The following PRKCI variants were observed in gnomAD, a reference collection of about 807,000 sequenced individuals.
PRKCI encodes protein kinase C iota.
A neutral mutation model predicts 84.0 loss-of-function variants in PRKCI; 43 were observed. That is an observed-to-expected ratio of 0.51 (90% confidence interval 0.40 to 0.66). PRKCI has a LOEUF of 0.66. Ranked by LOEUF, PRKCI falls within the 30% of genes least tolerant of loss-of-function variation. PRKCI has a pLI of 0.00. For synonymous variants in PRKCI, 216 were observed against 234.4 expected (o/e 0.92, Z 0.72); for missense variants, 459 against 745.6 (o/e 0.62, Z 4.48).
chr3:170,254,091 G>A (rs1445383828), intron 2 of PRKCI, among the ~76,000 whole-genome samples: 2 of 133,182 alleles, frequency 1.5e-5, no homozygotes, highest in Non-Finnish European at 3.2e-5. Flanking sequence ...AGCAAGATCC[G>A]TTTCCAAAAA....
In PRKCI at chr3:170,222,631, C is replaced by T. The variant is rs556416019; in HGVS notation, c.-39C>T. On this transcript the variant is annotated 5_prime_UTR_variant, in exon 1 of 18. Transcript: ENST00000295797. ...CCACGGCGCCCGAAGCGCCCCCCCGCACCCCCGGCCTCCAGCGTTGAGGCG... is the reference window on the plus strand; with the variant it reads ...CCACGGCGCCCGAAGCGCCCCCCCGTACCCCCGGCCTCCAGCGTTGAGGCG... 73 of 1,505,068 alleles carry T rather than the reference C, an allele frequency of 4.9e-5. No individual in the cohort carries two copies. In the South Asian group the frequency reaches 8.2e-4, roughly 17 times the overall value. 93.2% of individuals were successfully genotyped at this position (1,505,068 alleles called of 1,614,324 possible).
In PRKCI at chr3:170,305,478, GTTTC is replaced by G. The variant is rs1195335981; in HGVS notation, c.*2356_*2359del. The G allele has an allele frequency of 2.0e-5, 3 of 152,468 alleles. No homozygotes were observed. The highest frequency in any genetic ancestry group is 7.2e-5 in the African/African-American group (3 of 41,434). 9.4% of individuals were successfully genotyped at this position (152,468 alleles called of 1,614,324 possible). A position where few individuals can be genotyped will look rare whatever the true frequency, so the allele number is the denominator to read the frequency against. ...CAGCCCCCCAAAAAACCTCTCAGTA[GTTTC>G]TTTCAGTGTACAAAATGATGAGCAT... On this transcript the variant is annotated 3_prime_UTR_variant, in exon 18 of 18. Coordinates refer to ENST00000295797, the MANE Select transcript of PRKCI (RefSeq NM_002740.6).
chr3:170,238,836 C>A (rs1240926169), intron 2 of PRKCI, among the ~76,000 whole-genome samples: 1 of 152,156 alleles, frequency 6.6e-6, no homozygotes, highest in Non-Finnish European at 1.5e-5. Context: ...AGTGATCCAC[C>A]CGCCTTGGCC....
At chr3:170,273,367 T>A (rs1377942360) in intron 7 of PRKCI, 27 bp downstream of exon 7, 1 of 1,605,164 alleles carries the variant, frequency 6.2e-7, no homozygotes, top group Non-Finnish European at 8.5e-7. Context: ...CACAACCCAT[T>A]GTTCATTCAC....
intron 12 of PRKCI, among the ~76,000 whole-genome samples, chr3:170,286,474 A>C (rs1213274545): frequency 6.7e-6 from 1 of 149,696 alleles, no homozygotes; most frequent in East Asian, 2.0e-4. Flanking sequence ...GCACAAATTA[A>C]AACAATGAGG....
At chr3:170,245,514 G>A (rs892710227) in intron 2 of PRKCI, among the ~76,000 whole-genome samples, 7 of 152,020 alleles carry the variant, frequency 4.6e-5, no homozygotes, top group Non-Finnish European at 8.8e-5. Flanking sequence ...GCGGTATTGG[G>A]GACCTTAGAT....
At chr3:170,229,088 A>C (rs1732715920) in intron 1 of PRKCI, among the ~76,000 whole-genome samples, 1 of 152,064 alleles carries the variant, frequency 6.6e-6, no homozygotes, top group African/African-American at 2.4e-5. Context: ...CCCACTTTCT[A>C]GAGATAGCCA....
intron 7 of PRKCI, among the ~76,000 whole-genome samples, chr3:170,274,265 G>T (rs1485368525): frequency 6.6e-6 from 1 of 152,064 alleles, no homozygotes; most frequent in African/African-American, 2.4e-5. Context: ...CTGAGCATCT[G>T]GGATTACAGG....
intron 2 of PRKCI, among the ~76,000 whole-genome samples, chr3:170,237,238 A>G (rs1733002539): frequency 6.6e-6 from 1 of 152,248 alleles, no homozygotes; most frequent in African/African-American, 2.4e-5. Context: ...ATTGGCCTAC[A>G]GTTTAACAGG....
chr3:170,261,473 A>C (rs1402494989), intron 3 of PRKCI, among the ~76,000 whole-genome samples: 2 of 150,812 alleles, frequency 1.3e-5, no homozygotes, highest in Non-Finnish European at 3.0e-5. Flanking sequence ...AAAAAAAAAA[A>C]AACAGTGGTT....
chr3:170,255,264 TAGTC>T (rs1455591014), intron 2 of PRKCI, among the ~76,000 whole-genome samples: 1 of 152,028 alleles, frequency 6.6e-6, no homozygotes, highest in Non-Finnish European at 1.5e-5. Flanking sequence ...TTCTCCATGT[TAGTC>T]AGGCTGGTCT....
At chr3:170,240,950 A>T (rs1437999679) in intron 2 of PRKCI, among the ~76,000 whole-genome samples, 1 of 152,032 alleles carries the variant, frequency 6.6e-6, no homozygotes, top group Non-Finnish European at 1.5e-5. Flanking sequence ...ATCATGCCAC[A>T]CTCCTCTTTC....
At chr3:170,262,604 C>T (rs1339998987) in intron 3 of PRKCI, among the ~76,000 whole-genome samples, 4 of 152,040 alleles carry the variant, frequency 2.6e-5, no homozygotes, top group African/African-American at 9.7e-5. Flanking sequence ...CCTCAGCCTC[C>T]TAGGGAGCTG....
Position 170,284,530 on chromosome 3 carries a change from G to A in PRKCI, c.1137G>A (p.Leu379=). The change falls in exon 12 of 18, where the codon TTG becomes TTA. Residue 379 remains leucine, a synonymous_variant. Coordinates refer to ENST00000295797, the MANE Select transcript of PRKCI (RefSeq NM_002740.6). The stretch of plus-strand genomic sequence containing the variant: ...AGCGAGGGATAATTTATAGAGATTT[G>A]AAACTGGACAATGTATTACTGGACT... ...LHERGIIYRD[L]KLDNVLLDSE... is the part of the protein sequence containing the mutation. 1 of 1,611,808 alleles carries A rather than the reference G, an allele frequency of 6.2e-7. No homozygotes were observed. The highest frequency in any genetic ancestry group is 1.7e-5 in the Admixed American group (1 of 59,962).
chr3:170,301,676 T>C (rs1734823204), intron 17 of PRKCI, among the ~76,000 whole-genome samples: 1 of 152,192 alleles, frequency 6.6e-6, no homozygotes, highest in South Asian at 2.1e-4. Flanking sequence ...ATCAGATCTT[T>C]CTTTTCTCTT....
chr3:170,270,518 A>G lies in PRKCI; in HGVS notation c.548A>G (p.His183Arg), dbSNP rs1382818070. 1 of 1,613,696 alleles carries G rather than the reference A, an allele frequency of 6.2e-7. No individual in the cohort carries two copies. Among genetic ancestry groups the G allele is most frequent in the Non-Finnish European group, 8.5e-7 (1 of 1,179,858 alleles). The change falls in exon 6 of 18, where the codon CAT becomes CGT. Residue 183 changes from histidine (H) to arginine (R), a missense_variant. By Grantham distance (29) the His-to-Arg change is conservative (BLOSUM62 0). Around this residue, in one of 2 missense-constraint regions of PRKCI, gnomAD observed 250 missense variants for 319.7 expected, o/e 0.78. Transcript: ENST00000295797. ...AAACTCTTGGTTCATAAGAAGTGCCATAAACTCGTCACAATTGAATGTGGG... is the reference window on the plus strand; with the variant it reads ...AAACTCTTGGTTCATAAGAAGTGCCGTAAACTCGTCACAATTGAATGTGGG... ...NCKLLVHKKC[H>R]KLVTIECGRH... is the part of the protein sequence containing the mutation.
At chr3:170,293,842 G>T (rs151193723) in intron 14 of PRKCI, among the ~76,000 whole-genome samples, 1 of 151,860 alleles carries the variant, frequency 6.6e-6, no homozygotes, top group Admixed American at 6.6e-5. Context: ...CACTATGCCC[G>T]GCTAAATTTT....
chr3:170,275,401 A>G, intron 8 of PRKCI, 114 bp downstream of exon 8: 2 of 943,888 alleles, frequency 2.1e-6, no homozygotes, highest in African/African-American at 1.7e-5. Context: ...GGTGAAATGC[A>G]AAAATGATTT....
intron 2 of PRKCI, among the ~76,000 whole-genome samples, chr3:170,247,730 CAAAA>C (rs72411481): frequency 3.3e-3 from 93 of 27,882 alleles, no homozygotes; most frequent in African/African-American, 0.011. Flanking sequence ...AACTCTGTCT[CAAAA>C]AAAAAAAAAA....
Sources: gnomAD v4.1 joint callset for allele counts (sites outside exome capture counted in the v4.1 genomes callset) on GRCh38, gnomAD v4.1.1 for gene constraint, gnomAD v4.1.1 regional missense constraint, MANE v1.5 for transcripts, NCBI Gene and HGNC (gene_info 2026-07-23, HGNC 2026-07-21) for gene names.